The following WNT4 variants were observed in gnomAD, a reference collection of about 807,000 sequenced individuals.
WNT4 encodes protein Wnt-4.
WNT4 carries 16 observed loss-of-function variants against 34.5 expected under a neutral mutation model. The observed-to-expected ratio is 0.46, with a 90% CI of 0.31 to 0.70. The LOEUF (loss-of-function observed/expected upper bound fraction) is 0.70. Among genes scored for constraint, WNT4 ranks in the 30% least tolerant of loss-of-function variants. WNT4 has a pLI of 0.04. For synonymous variants in WNT4, 200 were observed against 211.9 expected, an observed-to-expected ratio of 0.94 and a Z score of 0.49; for missense variants, 379 against 495.9, an observed-to-expected ratio of 0.76 and a Z score of 2.24.
chr1:22,128,876 C>T (rs962853298), intron 2 of WNT4, among the ~76,000 whole-genome samples: 6 of 152,118 alleles, frequency 3.9e-5, no homozygotes, highest in Middle Eastern at 3.4e-3. Flanking sequence ...CCCGCCACCA[C>T]GCCCGGCTAA....
rs759101656 is a variant in WNT4, at chr1:22,121,266, C to T, written c.533G>A (p.Gly178Glu). ...SFVDVRERSKGASSSRALMNL... is the reference protein window; with the variant it reads ...SFVDVRERSKEASSSRALMNL... ...CATGAGGGCTCTGCTGGACGAGGCC[C>T]CCTTGCTTCTCTCCCGCACATCCAC... Residue 178 changes from glycine (G) to glutamate (E), a missense_variant, in exon 4 of 5, where the codon GGG (glycine) becomes GAG (glutamate). By Grantham distance (98) the Gly-to-Glu change is moderately conservative. Coordinates refer to ENST00000290167, the MANE Select transcript of WNT4 (RefSeq NM_030761.5). The T allele has an allele frequency of 6.2e-7, 1 of 1,614,156 alleles. No homozygotes were observed. Among genetic ancestry groups the T allele is most frequent in the Non-Finnish European group, 8.5e-7 (1 of 1,180,030 alleles).
rs953737200 is a variant in WNT4, at chr1:22,120,334, G to T, written c.772C>A (p.Arg258Ser). 3 of 1,614,224 alleles carry T rather than the reference G, an allele frequency of 1.9e-6. No homozygotes were observed. The highest frequency in any genetic ancestry group is 1.3e-5 in the African/African-American group (1 of 75,074). ...RVGSSRALVP[R>S]NAQFKPHTDE... is the part of the protein sequence containing the mutation. ...GTGTGCGGCTTGAACTGTGCGTTGC[G>T]TGGCACCAGTGCCCTGGAGGAGCCC... The change falls in exon 5 of 5, where the codon CGC becomes AGC. Residue 258 changes from arginine to serine, a missense_variant. This residue lies in a region of WNT4 where 313 missense variants were observed against 445.8 expected (regional missense o/e 0.70). Transcript: ENST00000290167.
chr1:22,129,580 C>T, intron 2 of WNT4, 36 bp downstream of exon 2: 1 of 1,597,506 alleles, frequency 6.3e-7, no homozygotes, highest in Non-Finnish European at 8.5e-7. Flanking sequence ...CCTGGCACCG[C>T]AGGCTCCCCT....
In WNT4 at chr1:22,142,984, G is replaced by T. The variant is rs1445330512; in HGVS notation, c.-62C>A. 16 of 941,522 alleles carry T rather than the reference G, an allele frequency of 1.7e-5. No homozygotes were observed. The highest frequency in any genetic ancestry group is 2.0e-5 in the Non-Finnish European group (16 of 793,292). The allele number at this position is 941,522 out of a possible 1,614,324, so 58.3% of individuals were successfully genotyped here. A position where few individuals can be genotyped will look rare whatever the true frequency, so the allele number is the denominator to read the frequency against. On this transcript the variant is annotated 5_prime_UTR_variant, in exon 1 of 5. Transcript: ENST00000290167. This position sits in a 1 kb window ranked among gnomAD's most constrained non-coding sequence, Gnocchi z 6.0. ...GCGGCCGCGGGGGGCCTCCCGTCGG[G>T]GCTGCAGGTGGGCGCCCGCGGGCGG...
rs1156481880 is a variant in WNT4 at position 22,137,368 on chromosome 1, G to T, written c.77+5478C>A. Among the ~76,000 whole-genome samples the T allele has an allele frequency of 6.6e-6, 1 of 152,164 alleles. No individual in the cohort carries two copies. The highest frequency in any genetic ancestry group is 1.9e-4 in the East Asian group (1 of 5,196). ...GTGGAAATCTGGAGAGCAACCCTGG[G>T]GTCGCAGCTCTGCCTGCAGCTGCGC... On this transcript the variant is annotated intron_variant, in intron 1 of 4. Coordinates refer to ENST00000290167, the MANE Select transcript of WNT4 (RefSeq NM_030761.5). The surrounding 1 kb of genome is among the most constrained non-coding windows in gnomAD (Gnocchi z 5.3).
chr1:22,131,048 A>C (rs1645979924), intron 1 of WNT4, among the ~76,000 whole-genome samples: 1 of 152,256 alleles, frequency 6.6e-6, no homozygotes, highest in Non-Finnish European at 1.5e-5. Context: ...GTGCAGGGCT[A>C]CACAGCCAGT....
intron 2 of WNT4, 145 bp downstream of exon 2, chr1:22,129,471 C>G: frequency 2.0e-6 from 2 of 1,017,734 alleles, no homozygotes; most frequent in Admixed American, 2.0e-5. Flanking sequence ...GCTCTGCATC[C>G]TTTATGCCCT....
intron 2 of WNT4, chr1:22,127,119 T>G (rs999251730): frequency 2.7e-6 from 1 of 368,104 alleles, no homozygotes; most frequent in African/African-American, 2.1e-5. Context: ...GAGCTCAGCC[T>G]CCTTCTCCAG....
chr1:22,121,576 CCT>C lies in WNT4; in HGVS notation c.314-2_314-1del. ...GTACACGAAGGCCGCCTCCCGAGTC[CCT>C]GTGGGAGGCAGAGGGAGGGCAGAGC... On this transcript the variant is annotated splice_acceptor_variant, in intron 2 of 4. Coordinates refer to ENST00000290167, the MANE Select transcript of WNT4 (RefSeq NM_030761.5). LOFTEE classifies it high-confidence loss of function. The C allele has an allele frequency of 6.2e-7, 1 of 1,612,794 alleles. No homozygotes were observed. Among genetic ancestry groups the C allele is most frequent in the Non-Finnish European group, 8.5e-7 (1 of 1,179,992 alleles).
chr1:22,133,072 C>A (rs922452448), intron 1 of WNT4, among the ~76,000 whole-genome samples: 31 of 152,148 alleles, frequency 2.0e-4, no homozygotes, highest in African/African-American at 7.2e-4. Context: ...TAAAGTCCCA[C>A]AGCTAGAGCG....
At chr1:22,121,795 C>G (rs12724622) in intron 2 of WNT4, among the ~76,000 whole-genome samples, 1 of 152,230 alleles carries the variant, frequency 6.6e-6, no homozygotes, top group Non-Finnish European at 1.5e-5. Context: ...GCTTTTCAAA[C>G]GTGCAGATGC....
At chr1:22,133,663 C>A (rs1208788279) in intron 1 of WNT4, among the ~76,000 whole-genome samples, 1 of 152,238 alleles carries the variant, frequency 6.6e-6, no homozygotes, top group Non-Finnish European at 1.5e-5. Flanking sequence ...AATTTGCCAC[C>A]TGCTGCCCTG....
At chr1:22,121,723 A>G in intron 2 of WNT4, 147 bp from the exon 3 acceptor site, 2 of 1,302,944 alleles carry the variant, frequency 1.5e-6, no homozygotes, top group Non-Finnish European at 1.1e-6. Flanking sequence ...TAGGCACCCC[A>G]CGGCGCTTGT....
chr1:22,127,900 G>A (rs1158753197), intron 2 of WNT4, among the ~76,000 whole-genome samples: 1 of 152,188 alleles, frequency 6.6e-6, no homozygotes, highest in Non-Finnish European at 1.5e-5. Context: ...CATTGCATAT[G>A]CAAAGGGAGG....
chr1:22,123,429 A>G (rs1645917139), intron 2 of WNT4, among the ~76,000 whole-genome samples: 1 of 152,118 alleles, frequency 6.6e-6, no homozygotes, highest in African/African-American at 2.4e-5. Context: ...CTTTGGGAAC[A>G]AGAACACTGG....
At position 22,142,978 on chromosome 1, in the gene WNT4, C is replaced by G. The variant is rs1157471151; in HGVS notation, c.-56G>C. 2 of 974,358 alleles carry G rather than the reference C, an allele frequency of 2.1e-6. No individual in the cohort carries two copies. The highest frequency in any genetic ancestry group is 1.3e-4 in the Admixed American group (2 of 15,898). 60.4% of individuals were successfully genotyped at this position (974,358 alleles called of 1,614,324 possible). A position where few individuals can be genotyped will look rare whatever the true frequency, so the allele number is the denominator to read the frequency against. On this transcript the variant is annotated 5_prime_UTR_variant, in exon 1 of 5. Transcript: ENST00000290167. This position sits in a 1 kb window ranked among gnomAD's most constrained non-coding sequence, Gnocchi z 6.0. ...GCGGCTGCGGCCGCGGGGGGCCTCC[C>G]GTCGGGGCTGCAGGTGGGCGCCCGC...
Position 22,121,298 on chromosome 1 carries a change from CTG to C in WNT4, c.499_500del (p.Gln167ValfsTer25). 6.2e-7 allele frequency: 1 copy of C among 1,614,206 alleles called. No homozygotes were observed. The highest frequency in any genetic ancestry group is 8.5e-7 in the Non-Finnish European group (1 of 1,180,030). On this transcript the variant is annotated frameshift_variant, in exon 4 of 5. Coordinates refer to ENST00000290167, the MANE Select transcript of WNT4 (RefSeq NM_030761.5). LOFTEE classifies it high-confidence loss of function. ...DNIAYGVAFSQSFVDVRERSK... is the reference protein window; with the variant it reads ...DNIAYGVAFSXSFVDVRERSK... Reference sequence around the variant, plus strand: ...TTCTCTCCCGCACATCCACAAACGACTGTGAGAAGGCCACACCGTAGGCGATG... The same window carrying C: ...TTCTCTCCCGCACATCCACAAACGACTGAGAAGGCCACACCGTAGGCGATG...
Position 22,118,388 on chromosome 1 carries a change from TGGGA to T in WNT4, c.*1658_*1661del, listed in dbSNP as rs1645865294. On this transcript the variant is annotated 3_prime_UTR_variant, in exon 5 of 5. Transcript: ENST00000290167. ...GCTTACAGCAACTTCCTCTGGTGAT[TGGGA>T]GCCCATCTGAGAAGCAGATGGGTCA... 1 of 152,160 alleles carries T rather than the reference TGGGA, an allele frequency of 6.6e-6. No homozygotes were observed. The highest frequency in any genetic ancestry group is 2.1e-4 in the South Asian group (1 of 4,820). The allele number at this position is 152,160 out of a possible 1,614,324, so 9.4% of individuals were successfully genotyped here.
In WNT4 at chr1:22,119,904, C is replaced by T. The variant is rs774117304; in HGVS notation, c.*146G>A. On this transcript the variant is annotated 3_prime_UTR_variant, in exon 5 of 5. Transcript: ENST00000290167. ...GCCCTTGGGGTTGCCTGCCTGGTTT[C>T]GGCAATAAATAACATGAGGACCCAA... is the stretch of plus-strand genomic sequence containing the variant. The T allele has an allele frequency of 8.6e-6, 9 of 1,051,836 alleles. No individual in the cohort carries two copies. Among genetic ancestry groups the T allele is most frequent in the African/African-American group, 3.2e-5 (2 of 63,216 alleles). The allele number at this position is 1,051,836 out of a possible 1,614,324, so 65.2% of individuals were successfully genotyped here.
Sources: allele counts gnomAD v4.1 joint callset (sites outside exome capture counted in the v4.1 genomes callset), GRCh38; gene constraint gnomAD v4.1.1; regional missense constraint gnomAD v4.1.1; non-coding constraint Gnocchi (gnomAD v3.1); transcripts MANE v1.5; gene names NCBI Gene and HGNC (gene_info 2026-07-23, HGNC 2026-07-21).